Variants in ASXL3 observed in about 807,000 individuals in gnomAD.
ASXL3 encodes the protein ASXL transcriptional regulator 3.
ASXL3 carries 34 observed loss-of-function variants against 170.6 expected under a neutral mutation model. The ratio of observed to expected loss-of-function variants is 0.20; its 90% confidence interval spans 0.15 to 0.27. ASXL3 has a LOEUF of 0.27. Ranked by LOEUF, ASXL3 falls within the 10% of genes least tolerant of loss-of-function variation. ASXL3 has a pLI of 1.00. For synonymous variants in ASXL3, 1,002 were observed against 989.1 expected, an observed-to-expected ratio of 1.01 and a Z score of -0.24; for missense variants, 2,592 against 2,695.3, an observed-to-expected ratio of 0.96 and a Z score of 0.85.
intron 1 of ASXL3, among the ~76,000 whole-genome samples, chr18:33,598,392 G>A (rs1037102747): frequency 2.0e-5 from 3 of 152,056 alleles, no homozygotes; most frequent in Admixed American, 6.6e-5. Context: ...AGCCCTCCTT[G>A]TAAATATTGT....
chr18:33,630,509 G>C (rs112509794), intron 2 of ASXL3, among the ~76,000 whole-genome samples: 4 of 151,944 alleles, frequency 2.6e-5, no homozygotes, highest in Non-Finnish European at 5.9e-5. Context: ...GAAGGAGGAG[G>C]AGAGAGGAGA....
intron 8 of ASXL3, among the ~76,000 whole-genome samples, chr18:33,717,467 A>AT (rs2067183716): frequency 6.6e-6 from 1 of 152,160 alleles, no homozygotes; most frequent in Non-Finnish European, 1.5e-5. Context: ...TTTCTAGTTC[A>AT]TATAACAGCA....
intron 2 of ASXL3, among the ~76,000 whole-genome samples, chr18:33,629,768 G>A (rs533518517): frequency 4.6e-5 from 7 of 151,950 alleles, no homozygotes; most frequent in South Asian, 4.1e-4. Context: ...CAAAACGCAC[G>A]TTTTTTCCTA....
At chr18:33,679,448 T>C (rs1208991718) in intron 7 of ASXL3, among the ~76,000 whole-genome samples, 1 of 152,144 alleles carries the variant, frequency 6.6e-6, no homozygotes, top group Non-Finnish European at 1.5e-5. Context: ...TAAGATTGGC[T>C]AATACAGTCT....
chr18:33,700,026 A>C (rs1420109702), intron 8 of ASXL3, among the ~76,000 whole-genome samples: 1 of 152,100 alleles, frequency 6.6e-6, no homozygotes, highest in Non-Finnish European at 1.5e-5. Flanking sequence ...AATAAGATGT[A>C]AGTTAGAGAA....
intron 8 of ASXL3, among the ~76,000 whole-genome samples, chr18:33,721,810 T>C (rs2067265319): frequency 1.3e-5 from 2 of 152,094 alleles, no homozygotes; most frequent in South Asian, 2.1e-4. Context: ...TTTTTATAAA[T>C]TGAAAGTTGG....
Position 33,746,668 on chromosome 18 carries a change from T to C in ASXL3, c.*73T>C. 2 of 1,496,486 alleles carry C rather than the reference T, an allele frequency of 1.3e-6. No homozygotes were observed. The highest frequency in any genetic ancestry group is 1.4e-5 in the South Asian group (1 of 72,054). 92.7% of individuals were successfully genotyped at this position (1,496,486 alleles called of 1,614,324 possible). ...ATAGCATCAGCAACAACAAATAGAATAATGCAGTGGTTTCTATCATGCTAA... is the reference window on the plus strand; with the variant it reads ...ATAGCATCAGCAACAACAAATAGAACAATGCAGTGGTTTCTATCATGCTAA... On this transcript the variant is annotated 3_prime_UTR_variant, in exon 12 of 12. Coordinates refer to ENST00000269197, the MANE Select transcript of ASXL3 (RefSeq NM_030632.3).
At chr18:33,729,535 T>A (rs1024810740) in intron 8 of ASXL3, among the ~76,000 whole-genome samples, 2 of 152,152 alleles carry the variant, frequency 1.3e-5, no homozygotes, top group Admixed American at 1.3e-4. Flanking sequence ...CTTCCTCTTG[T>A]ACCACTCAGA....
chr18:33,676,061 A>G (rs2066422695), intron 7 of ASXL3, among the ~76,000 whole-genome samples: 1 of 151,458 alleles, frequency 6.6e-6, no homozygotes, highest in Admixed American at 6.6e-5. Flanking sequence ...CGTCTCTACT[A>G]AAACTACAAA....
At chr18:33,699,541 G>C (rs117518277) in intron 8 of ASXL3, among the ~76,000 whole-genome samples, 27 of 152,060 alleles carry the variant, frequency 1.8e-4, no homozygotes, top group Non-Finnish European at 3.4e-4. Flanking sequence ...GCATTTCACC[G>C]ATGTGGTTCA....
intron 1 of ASXL3, among the ~76,000 whole-genome samples, chr18:33,583,473 CAA>C (rs1157544565): frequency 6.6e-6 from 1 of 152,098 alleles, no homozygotes; most frequent in Non-Finnish European, 1.5e-5. Context: ...CCTTTTCTTT[CAA>C]ACATGGAACC....
At chr18:33,630,493 G>A (rs1030823667) in intron 2 of ASXL3, among the ~76,000 whole-genome samples, 1 of 151,936 alleles carries the variant, frequency 6.6e-6, no homozygotes, top group African/African-American at 2.4e-5. Flanking sequence ...AATATAGGTG[G>A]ATAAAGAAGG....
intron 2 of ASXL3, among the ~76,000 whole-genome samples, chr18:33,616,483 A>C (rs1242727933): frequency 6.6e-6 from 1 of 151,910 alleles, no homozygotes; most frequent in Non-Finnish European, 1.5e-5. Flanking sequence ...TTGTTGATGT[A>C]AGATTGGATT....
intron 8 of ASXL3, among the ~76,000 whole-genome samples, chr18:33,706,323 T>C (rs2066957726): frequency 6.6e-6 from 1 of 151,798 alleles, no homozygotes; most frequent in African/African-American, 2.4e-5. Context: ...TCAGTAGCTA[T>C]GATTTTGGTC....
Position 33,745,750 on chromosome 18 carries a change from G to A in ASXL3, c.5902G>A (p.Glu1968Lys). The A allele has an allele frequency of 6.2e-7, 1 of 1,613,972 alleles. No homozygotes were observed. The highest frequency in any genetic ancestry group is 1.1e-5 in the South Asian group (1 of 91,082). Residue 1968 changes from glutamate to lysine, a missense_variant, in exon 12 of 12, where the codon GAA becomes AAA. Coordinates refer to ENST00000269197, the MANE Select transcript of ASXL3 (RefSeq NM_030632.3). ...CNAFAFNRHL[E>K]QKGLGEVSLS... is the part of the protein sequence containing the mutation. The stretch of plus-strand genomic sequence containing the variant: ...TGCATTTGCCTTCAACAGGCATCTT[G>A]AACAGAAGGGATTGGGAGAGGTTAG...
At chr18:33,642,646 G>A (rs1017609063) in intron 2 of ASXL3, among the ~76,000 whole-genome samples, 5 of 151,812 alleles carry the variant, frequency 3.3e-5, no homozygotes, top group African/African-American at 4.8e-5. Flanking sequence ...AAATTTTTCC[G>A]TAGTAAATCT....
At chr18:33,701,523 T>G (rs1204567934) in intron 8 of ASXL3, among the ~76,000 whole-genome samples, 1 of 152,136 alleles carries the variant, frequency 6.6e-6, no homozygotes, top group Non-Finnish European at 1.5e-5. Context: ...AATTTATTCC[T>G]TACTATTTTG....
chr18:33,646,655 G>C (rs1435968716), intron 4 of ASXL3, among the ~76,000 whole-genome samples: 1 of 151,710 alleles, frequency 6.6e-6, no homozygotes, highest in East Asian at 2.0e-4. Context: ...GCATCTAGTG[G>C]TTTCATTCTT....
intron 1 of ASXL3, chr18:33,578,910 G>C: frequency 5.1e-6 from 1 of 195,900 alleles, no homozygotes; most frequent in Non-Finnish European, 1.0e-5. Context: ...CCCCGCGTCC[G>C]GGACCGCCCG....
Sources: gnomAD v4.1 joint callset for allele counts (sites outside exome capture counted in the v4.1 genomes callset) on GRCh38, gnomAD v4.1.1 for gene constraint, MANE v1.5 for transcripts, NCBI Gene and HGNC (gene_info 2026-07-23, HGNC 2026-07-21) for gene names.